The following RANBP2 variants were observed in gnomAD, a reference collection of about 807,000 sequenced individuals.
RANBP2 encodes the protein E3 SUMO-protein ligase RanBP2.
RANBP2 carries 57 observed loss-of-function variants against 303.6 expected under a neutral mutation model. The ratio of observed to expected loss-of-function variants is 0.19; its 90% CI spans 0.15 to 0.23. The LOEUF (loss-of-function observed/expected upper bound fraction) is 0.23. Among genes scored for constraint, RANBP2 ranks in the 10% least tolerant of loss-of-function variants. RANBP2 has a pLI of 1.00. For missense variants in RANBP2, 3,138 were observed against 3,780.8 expected (o/e 0.83, Z 4.46); for synonymous variants, 1,167 against 1,301.5 (o/e 0.90, Z 2.23).
chr2:108,807,869 G>A, the RANBP2 span, among the ~76,000 whole-genome samples: 16 of 152,104 alleles, frequency 1.1e-4, no homozygotes, highest in Admixed American at 1.0e-3. Context: ...TCGGCCTCCC[G>A]AAGTGCTCGG....
the RANBP2 span, among the ~76,000 whole-genome samples, chr2:108,985,292 G>C: frequency 6.6e-6 from 1 of 152,190 alleles, no homozygotes; most frequent in Admixed American, 6.5e-5. Context: ...AGAGTAACGT[G>C]ACTGTGGTTG....
chr2:109,470,352 C>T, the RANBP2 span, among the ~76,000 whole-genome samples: 1 of 152,134 alleles, frequency 6.6e-6, no homozygotes, highest in Admixed American at 6.6e-5. Flanking sequence ...TGGAAAAGAT[C>T]ATCTTTTCCA....
chr2:109,031,245 G>C, the RANBP2 span, among the ~76,000 whole-genome samples: 787 of 152,272 alleles, frequency 5.2e-3, 7 homozygotes, highest in African/African-American at 0.018. Context: ...GCAGTGAGGG[G>C]GGCCTGTTCC....
the RANBP2 span, among the ~76,000 whole-genome samples, chr2:109,539,198 T>TGGGGCAGAAGAATCGCTTGAACCCAG: frequency 1.3e-5 from 2 of 151,834 alleles, no homozygotes; most frequent in African/African-American, 4.8e-5. Context: ...TTCGGAAGGC[T>TGGGGCAGAAGAATCGCTTGAACCCAG]GGGGCAGAAG....
chr2:109,075,700 T>C, the RANBP2 span, among the ~76,000 whole-genome samples: 1 of 150,176 alleles, frequency 6.7e-6, no homozygotes, highest in South Asian at 2.1e-4. Context: ...AACAATTATA[T>C]GCCAACATAT....
At chr2:109,055,784 T>TG in the RANBP2 span, among the ~76,000 whole-genome samples, 1,606 of 135,530 alleles carry the variant, frequency 0.012, 37 homozygotes, top group African/African-American at 0.042. Flanking sequence ...TTTTTTGAGA[T>TG]GAGTCTCACT....
At chr2:109,481,028 G>A in the RANBP2 span, among the ~76,000 whole-genome samples, 1 of 152,226 alleles carries the variant, frequency 6.6e-6, no homozygotes, top group African/African-American at 2.4e-5. Context: ...TCAGGCAAGA[G>A]GACACCGATA....
At chr2:109,090,032 C>G in the RANBP2 span, among the ~76,000 whole-genome samples, 145,847 of 152,186 alleles carry the variant, frequency 0.96, 70,169 homozygotes, top group Non-Finnish European at 1. Context: ...AAACTGTTGC[C>G]CTCTCATAAT....
the RANBP2 span, among the ~76,000 whole-genome samples, chr2:109,458,721 A>G: frequency 6.6e-6 from 1 of 152,342 alleles, no homozygotes; most frequent in African/African-American, 2.4e-5. Context: ...GCAGAAAATC[A>G]TTGTCCACAG....
At chr2:109,121,043 G>A in the RANBP2 span, among the ~76,000 whole-genome samples, 2 of 152,116 alleles carry the variant, frequency 1.3e-5, no homozygotes, top group South Asian at 2.1e-4. Context: ...TCAGGAGATC[G>A]AGACCATCCT....
chr2:109,690,445 G>T, the RANBP2 span, among the ~76,000 whole-genome samples: 39 of 152,330 alleles, frequency 2.6e-4, no homozygotes, highest in African/African-American at 8.7e-4. Flanking sequence ...TGAGCAGAGG[G>T]ATGACTTTGA....
At chr2:109,629,247 C>A in the RANBP2 span, among the ~76,000 whole-genome samples, 7 of 55,806 alleles carry the variant, frequency 1.3e-4, no homozygotes, top group Admixed American at 2.0e-4. Context: ...AAATGCTTAA[C>A]TAACATTTAA....
the RANBP2 span, among the ~76,000 whole-genome samples, chr2:109,570,038 C>A: frequency 2.6e-5 from 4 of 151,010 alleles, no homozygotes; most frequent in East Asian, 1.9e-4. Context: ...AAAAAAAAAA[C>A]CTGTGTATTG....
chr2:109,170,728 G>T, the RANBP2 span, among the ~76,000 whole-genome samples: 2 of 152,184 alleles, frequency 1.3e-5, no homozygotes, highest in Admixed American at 6.5e-5. Flanking sequence ...TATTTGTTGG[G>T]CATTGACCAT....
the RANBP2 span, among the ~76,000 whole-genome samples, chr2:109,101,975 G>T: frequency 6.6e-6 from 1 of 152,182 alleles, no homozygotes; most frequent in Non-Finnish European, 1.5e-5. Context: ...GTGGATCAGG[G>T]TGAAATCTCC....
the RANBP2 span, chr2:109,732,936 T>C: frequency 1.5e-6 from 1 of 684,682 alleles, no homozygotes; most frequent in East Asian, 3.2e-5. Context: ...GGAGAGGAAC[T>C]GTCAAACGGT....
At chr2:109,656,204 G>T in the RANBP2 span, among the ~76,000 whole-genome samples, 1 of 152,114 alleles carries the variant, frequency 6.6e-6, no homozygotes, top group Admixed American at 6.5e-5. Flanking sequence ...ATCCCAATCA[G>T]GCATGGCAGA....
At chr2:108,916,217 G>A in the RANBP2 span, among the ~76,000 whole-genome samples, 6 of 152,234 alleles carry the variant, frequency 3.9e-5, no homozygotes, top group Non-Finnish European at 7.3e-5. Context: ...TCAGTAAGGC[G>A]CTCAAGGGAG....
Position 108,735,584 on chromosome 2 carries a change from T to G in RANBP2, c.458T>G (p.Leu153Trp). Residue 153 changes from leucine (L) to tryptophan (W), a missense_variant, in exon 5 of 29, where the codon TTG (leucine) becomes TGG (tryptophan). By Grantham distance (61) the Leu-to-Trp change is moderately conservative (BLOSUM62 -2). This residue lies in a region of RANBP2 where 306 missense variants were observed against 381.9 expected (regional missense o/e 0.80). Coordinates refer to ENST00000283195, the MANE Select transcript of RANBP2 (RefSeq NM_006267.5). ...GEDGWNKLFD[L>W]IQSELYVRPD... ...GATGGATGGAATAAACTTTTTGACT[T>G]GATTCAGTCAGAACTTTATGTAAGA... is the stretch of plus-strand genomic sequence containing the variant. 6.3e-7 allele frequency: 1 copy of G among 1,597,612 alleles called. No homozygotes were observed. The highest frequency in any genetic ancestry group is 8.5e-7 in the Non-Finnish European group (1 of 1,179,786).
Sources: gnomAD v4.1 joint callset for allele counts (sites outside exome capture counted in the v4.1 genomes callset) on GRCh38, gnomAD v4.1.1 for gene constraint, gnomAD v4.1.1 regional missense constraint, MANE v1.5 for transcripts, NCBI Gene and HGNC (gene_info 2026-07-23, HGNC 2026-07-21) for gene names.